The following STPG2 variants were observed in gnomAD, a reference collection of about 807,000 sequenced individuals.
STPG2 encodes the protein sperm-tail PG-rich repeat-containing protein 2.
In STPG2, 56 loss-of-function variants were observed where a neutral mutation model predicts 54.2. That is an observed-to-expected ratio of 1.03 (90% CI 0.83 to 1.29). The LOEUF is 1.29. Ranked by LOEUF, STPG2 falls within the 50% of genes most tolerant of loss-of-function variation. STPG2 has a pLI of 0.00. For synonymous variants in STPG2, 200 were observed against 181.8 expected (o/e 1.10, Z -0.81); for missense variants, 596 against 544.9 (o/e 1.09, Z -0.93).
intron 9 of STPG2, among the ~76,000 whole-genome samples, chr4:97,826,638 A>G (rs969596773): frequency 3.3e-5 from 5 of 152,354 alleles, no homozygotes; most frequent in African/African-American, 1.2e-4. Flanking sequence ...ATTTGACATC[A>G]ATAATGCACT....
chr4:97,537,130 C>T (rs550426705), intron 4 of STPG2, among the ~76,000 whole-genome samples: 25 of 152,280 alleles, frequency 1.6e-4, no homozygotes, highest in East Asian at 1.4e-3. Context: ...ATGCAGAAGA[C>T]GGGTGATTTC....
intron 9 of STPG2, among the ~76,000 whole-genome samples, chr4:97,749,817 T>G (rs1725530068): frequency 6.6e-6 from 1 of 151,836 alleles, no homozygotes; most frequent in Non-Finnish European, 1.5e-5. Flanking sequence ...TTCTGATGTT[T>G]GTTCTCTCTG....
intron 9 of STPG2, among the ~76,000 whole-genome samples, chr4:97,772,965 T>C (rs1024607699): frequency 5.9e-5 from 9 of 152,312 alleles, no homozygotes; most frequent in Middle Eastern, 3.4e-3. Flanking sequence ...TCAACTGATA[T>C]TGTGAAGTAG....
intron 4 of STPG2, among the ~76,000 whole-genome samples, chr4:97,470,116 G>GA (rs1194124501): frequency 6.6e-6 from 1 of 152,066 alleles, no homozygotes. Flanking sequence ...AAAATAAAAT[G>GA]AAAGTCAGAT....
chr4:98,033,690 C>A (rs144276308), intron 5 of STPG2, among the ~76,000 whole-genome samples: 10 of 152,164 alleles, frequency 6.6e-5, no homozygotes, highest in African/African-American at 2.4e-4. Context: ...AACATCGATG[C>A]GAAAATCCTC....
intron 4 of STPG2, among the ~76,000 whole-genome samples, chr4:97,541,609 G>A (rs968020547): frequency 2.0e-5 from 3 of 152,054 alleles, no homozygotes; most frequent in Non-Finnish European, 4.4e-5. Context: ...TCACAGAATT[G>A]GAAAAACCTA....
intron 8 of STPG2, among the ~76,000 whole-genome samples, chr4:97,907,480 C>T (rs1218566886): frequency 2.6e-5 from 4 of 152,108 alleles, no homozygotes; most frequent in African/African-American, 9.7e-5. Context: ...CCCCATCAAG[C>T]TACCAATGCC....
intron 10 of STPG2, among the ~76,000 whole-genome samples, chr4:97,638,385 A>G (rs1721635069): frequency 6.6e-6 from 1 of 152,158 alleles, no homozygotes; most frequent in Non-Finnish European, 1.5e-5. Context: ...TAAAACCATA[A>G]AAACTCTAGA....
intron 4 of STPG2, among the ~76,000 whole-genome samples, chr4:97,532,567 A>C (rs1309246602): frequency 1.3e-5 from 2 of 152,214 alleles, no homozygotes; most frequent in African/African-American, 4.8e-5. Flanking sequence ...TAAGAAAACC[A>C]AGTGGAAAGA....
At chr4:97,995,984 T>G (rs553334663) in intron 5 of STPG2, among the ~76,000 whole-genome samples, 1 of 152,274 alleles carries the variant, frequency 6.6e-6, no homozygotes, top group South Asian at 2.1e-4. Flanking sequence ...ATAGTAAGAA[T>G]CAATATTGTT....
chr4:97,600,018 A>T (rs1733416686), intron 10 of STPG2, among the ~76,000 whole-genome samples: 1 of 152,152 alleles, frequency 6.6e-6, no homozygotes, highest in African/African-American at 2.4e-5. Context: ...GTCCTCACTT[A>T]TAAATGGAAG....
intron 4 of STPG2, among the ~76,000 whole-genome samples, chr4:97,459,408 T>C (rs1348172866): frequency 6.6e-6 from 1 of 151,560 alleles, no homozygotes; most frequent in Admixed American, 6.6e-5. Flanking sequence ...CAATCCAGTA[T>C]CATGCAATTC....
intron 8 of STPG2, among the ~76,000 whole-genome samples, chr4:97,889,977 T>G (rs1358704250): frequency 6.6e-6 from 1 of 152,160 alleles, no homozygotes; most frequent in Non-Finnish European, 1.5e-5. Context: ...GAAATCTAAT[T>G]AATTTGAAAT....
intron 4 of STPG2, among the ~76,000 whole-genome samples, chr4:97,548,323 G>A (rs916628961): frequency 5.3e-5 from 8 of 152,148 alleles, no homozygotes; most frequent in Admixed American, 3.3e-4. Flanking sequence ...AAAATCAGCT[G>A]AGTGTGCTAC....
rs937624830 is a variant in STPG2 at position 97,754,630 on chromosome 4, A to G, written c.1205-41816T>C. On this transcript the variant is annotated intron_variant, in intron 9 of 10. Transcript: ENST00000295268. The stretch of plus-strand genomic sequence containing the variant: ...CTATGAACTCCAAATGTTGTTAGTC[A>G]ATTATACTTATCTGTCTGGTCTATG... Among the ~76,000 whole-genome samples, 4 of 152,094 alleles carry G rather than the reference A, an allele frequency of 2.6e-5. No individual in the cohort carries two copies. In the East Asian group the frequency reaches 7.7e-4, roughly 29 times the overall value.
chr4:97,942,139 GTA>G (rs148243599), intron 8 of STPG2, among the ~76,000 whole-genome samples: 33 of 147,652 alleles, frequency 2.2e-4, no homozygotes, highest in South Asian at 1.5e-3. Flanking sequence ...ATATATGTGT[GTA>G]TATATATATA....
intron 4 of STPG2, among the ~76,000 whole-genome samples, chr4:97,511,038 AAAGG>A (rs1386081176): frequency 6.6e-6 from 1 of 152,140 alleles, no homozygotes; most frequent in Non-Finnish European, 1.5e-5. Context: ...AAGAAAGAGA[AAAGG>A]GAGGAGTGAA....
chr4:97,562,460 C>G (rs1732280994), intron 10 of STPG2, among the ~76,000 whole-genome samples: 1 of 152,218 alleles, frequency 6.6e-6, no homozygotes, highest in South Asian at 2.1e-4. Flanking sequence ...TTGCCCTGGC[C>G]AGAACTTCCA....
chr4:97,611,940 GAGAA>G (rs1386196787), intron 10 of STPG2, among the ~76,000 whole-genome samples: 1 of 151,568 alleles, frequency 6.6e-6, no homozygotes, highest in Non-Finnish European at 1.5e-5. Context: ...CACTCACAGA[GAGAA>G]AGAGTGAATC....
Sources: allele counts gnomAD v4.1 joint callset (sites outside exome capture counted in the v4.1 genomes callset), GRCh38; gene constraint gnomAD v4.1.1; transcripts MANE v1.5; gene names NCBI Gene and HGNC (gene_info 2026-07-23, HGNC 2026-07-21).